RALGAPA2: variants seen among roughly 807,000 people sequenced by gnomAD.
RALGAPA2 encodes the protein ral GTPase-activating protein subunit alpha-2.
A neutral mutation model predicts 230.4 loss-of-function variants in RALGAPA2; 139 were observed. That is an observed-to-expected ratio of 0.60 (90% CI 0.53 to 0.69). The LOEUF is 0.69. RALGAPA2 is among the 30% of genes least tolerant of loss of function. RALGAPA2 has a pLI of 0.00. For synonymous variants in RALGAPA2, 847 were observed against 837.8 expected (o/e 1.01, Z -0.19); for missense variants, 2,163 against 2,276.0 (o/e 0.95, Z 1.01).
At chr20:20,450,008 T>C (rs955356031) in intron 37 of RALGAPA2, among the ~76,000 whole-genome samples, 1 of 152,220 alleles carries the variant, frequency 6.6e-6, no homozygotes. Flanking sequence ...GATACTCTTA[T>C]TTTCATCCTC....
chr20:20,560,924 T>G (rs888732924), intron 23 of RALGAPA2, among the ~76,000 whole-genome samples: 1 of 152,216 alleles, frequency 6.6e-6, no homozygotes, highest in Non-Finnish European at 1.5e-5. Context: ...CTAACTATCT[T>G]TCCCTTCCCA....
chr20:20,678,771 C>T (rs1356896948), intron 2 of RALGAPA2, among the ~76,000 whole-genome samples: 12 of 152,168 alleles, frequency 7.9e-5, no homozygotes, highest in Non-Finnish European at 1.6e-4. Flanking sequence ...TCACCTTCAA[C>T]AGCTCACCGC....
intron 38 of RALGAPA2, among the ~76,000 whole-genome samples, chr20:20,401,527 T>C (rs893480655): frequency 2.0e-5 from 3 of 152,164 alleles, no homozygotes; most frequent in Admixed American, 6.5e-5. Flanking sequence ...TTAAAACAAC[T>C]CAGGAGTGAC....
At chr20:20,670,484 GA>G (rs2068096162) in intron 3 of RALGAPA2, among the ~76,000 whole-genome samples, 1 of 152,156 alleles carries the variant, frequency 6.6e-6, no homozygotes, top group South Asian at 2.1e-4. Flanking sequence ...GGATTAAACA[GA>G]CTAGCCCATG....
At chr20:20,595,816 G>C (rs907680446) in intron 16 of RALGAPA2, among the ~76,000 whole-genome samples, 1 of 151,978 alleles carries the variant, frequency 6.6e-6, no homozygotes, top group East Asian at 1.9e-4. Flanking sequence ...AGCTGTGCAT[G>C]GCATGCCTGT....
intron 12 of RALGAPA2, among the ~76,000 whole-genome samples, chr20:20,618,964 A>T (rs6035663): frequency 0.12 from 18,769 of 152,186 alleles, 2,130 homozygotes; most frequent in African/African-American, 0.3. Flanking sequence ...ACTACTCATA[A>T]GTGTTTGGAA....
At chr20:20,626,136 A>C (rs933309489) in intron 10 of RALGAPA2, among the ~76,000 whole-genome samples, 1 of 152,204 alleles carries the variant, frequency 6.6e-6, no homozygotes, top group Non-Finnish European at 1.5e-5. Context: ...TCCATTTTAA[A>C]CTATAATAAC....
At chr20:20,625,252 C>G (rs1477486165) in intron 10 of RALGAPA2, among the ~76,000 whole-genome samples, 1 of 152,188 alleles carries the variant, frequency 6.6e-6, no homozygotes, top group Non-Finnish European at 1.5e-5. Context: ...CTTTCTTACC[C>G]ATCTCCTCTC....
intron 30 of RALGAPA2, 113 bp from the exon 31 acceptor site, chr20:20,521,213 G>A (rs2063030841): frequency 1.3e-6 from 1 of 797,370 alleles, no homozygotes; most frequent in African/African-American, 1.7e-5. Flanking sequence ...GTCCTAGCTG[G>A]AAATGGAATG....
intron 37 of RALGAPA2, among the ~76,000 whole-genome samples, chr20:20,423,513 C>A (rs1436474080): frequency 6.6e-6 from 1 of 152,200 alleles, no homozygotes; most frequent in Non-Finnish European, 1.5e-5. Flanking sequence ...AGCCTCAGCT[C>A]CCATGCACTT....
chr20:20,552,519 G>A (rs2063956571), intron 23 of RALGAPA2, among the ~76,000 whole-genome samples: 1 of 152,198 alleles, frequency 6.6e-6, no homozygotes. Flanking sequence ...ATTTGGTAAA[G>A]AGGGGAAGGT....
rs1029638285 is a variant in RALGAPA2, at chr20:20,512,596, C to G, written c.4773G>C (p.Gln1591His). The change falls in exon 32 of 40, where the codon CAG (glutamine) becomes CAC (histidine). Residue 1591 changes from glutamine (Q) to histidine (H), a missense_variant. Gln to His is a conservative substitution (Grantham distance 24). Transcript: ENST00000202677. ...DSAMKVTSQG[Q>H]PSPVEPRGPF... ...GTCCTCGGGGCTCCACTGGGGAGGGCTGCCCTTGGCTGGTGACTTTCATTG... is the reference window on the plus strand; with the variant it reads ...GTCCTCGGGGCTCCACTGGGGAGGGGTGCCCTTGGCTGGTGACTTTCATTG... 1.9e-6 allele frequency: 3 copies of G among 1,613,898 alleles called. No individual in the cohort carries two copies. Among genetic ancestry groups the G allele is most frequent in the South Asian group, 1.1e-5 (1 of 91,082 alleles).
chr20:20,430,742 A>T (rs1019961997), intron 37 of RALGAPA2, among the ~76,000 whole-genome samples: 1 of 152,170 alleles, frequency 6.6e-6, no homozygotes, highest in Non-Finnish European at 1.5e-5. Flanking sequence ...CAGACACAAG[A>T]TCTCACTGTT....
intron 23 of RALGAPA2, among the ~76,000 whole-genome samples, chr20:20,557,166 C>T (rs1201018351): frequency 1.3e-5 from 2 of 151,976 alleles, no homozygotes; most frequent in East Asian, 1.9e-4. Flanking sequence ...AAAAATTAGC[C>T]GGGCGTGGTG....
chr20:20,636,254 T>C (rs535248633), intron 8 of RALGAPA2, among the ~76,000 whole-genome samples: 3 of 152,348 alleles, frequency 2.0e-5, no homozygotes, highest in South Asian at 4.1e-4. Context: ...TATATGGTAT[T>C]GGATTTGAGA....
intron 37 of RALGAPA2, among the ~76,000 whole-genome samples, chr20:20,465,149 TCACACACACACACACACACACACACA>T (rs74180992): frequency 9.2e-6 from 1 of 109,210 alleles, no homozygotes; most frequent in African/African-American, 3.5e-5. Flanking sequence ...CCGCAGGCCT[TCACACACACACACACACACACACACA>T]CACACACACA....
At chr20:20,542,902 T>C (rs972749829) in intron 24 of RALGAPA2, among the ~76,000 whole-genome samples, 3 of 152,016 alleles carry the variant, frequency 2.0e-5, no homozygotes, top group Admixed American at 6.5e-5. Flanking sequence ...AAGCCAAAAT[T>C]GACAAATGGG....
rs375552097 is a variant in RALGAPA2 at position 20,536,755 on chromosome 20, G to A, written c.3315C>T (p.Leu1105=). 2.5e-5 allele frequency: 40 copies of A among 1,612,564 alleles called. No homozygotes were observed. Among genetic ancestry groups the A allele is most frequent in the South Asian group, 1.2e-4 (11 of 91,022 alleles). Residue 1105 remains leucine, a synonymous_variant, in exon 25 of 40, where the codon CTC becomes CTT. Transcript: ENST00000202677. ...TATTTGGAAAGCAGACCAGAGAGCC[G>A]AGGACAGTGACAGCCTCTGAACGAG... The part of the protein sequence containing the change: ...TAPRSEAVTV[L]GSLVCFPNTY...
intron 9 of RALGAPA2, among the ~76,000 whole-genome samples, chr20:20,633,066 T>C (rs973153088): frequency 6.6e-6 from 1 of 151,554 alleles, no homozygotes; most frequent in African/African-American, 2.4e-5. Context: ...CTTTCTTTTC[T>C]CTTTCTCTTT....
Sources: gnomAD v4.1 joint callset for allele counts (sites outside exome capture counted in the v4.1 genomes callset) on GRCh38, gnomAD v4.1.1 for gene constraint, MANE v1.5 for transcripts, NCBI Gene and HGNC (gene_info 2026-07-23, HGNC 2026-07-21) for gene names.